ANKRD24: variants seen among roughly 807,000 people sequenced by gnomAD.
ANKRD24 encodes ankyrin repeat domain-containing protein 24.
A neutral mutation model predicts 127.8 loss-of-function variants in ANKRD24; 109 were observed. The observed-to-expected ratio is 0.85, with a 90% confidence interval of 0.73 to 1.00. The LOEUF is 1.00. ANKRD24 is among the 50% of genes least tolerant of loss of function. The pLI, the probability that ANKRD24 is intolerant of heterozygous loss-of-function variation, is 0.00. For synonymous variants in ANKRD24, 743 were observed against 671.1 expected (o/e 1.11, Z -1.66); for missense variants, 1,648 against 1,570.2 (o/e 1.05, Z -0.84).
At position 4,217,478 on chromosome 19, in the gene ANKRD24, G is replaced by GCAGCGGGGC. The variant is rs1015785205; in HGVS notation, c.2327_2335dup (p.Ala776_Gly778dup). On this transcript the variant is annotated inframe_insertion, in exon 18 of 22. Coordinates refer to ENST00000318934, the MANE Select transcript of ANKRD24 (RefSeq NM_001393985.1). ...CGAGAGCGTGTCCGCGAGGCCGAGG[G>GCAGCGGGGC]CAGCGGGGCCAGCGGGGGCGGTGGC... The GCAGCGGGGC allele has an allele frequency of 4.9e-6, 7 of 1,440,096 alleles. No homozygotes were observed. The highest frequency in any genetic ancestry group is 6.0e-5 in the Admixed American group (2 of 33,212). The allele number at this position is 1,440,096 out of a possible 1,614,324, so 89.2% of individuals were successfully genotyped here. A position where few individuals can be genotyped will look rare whatever the true frequency, so the allele number is the denominator to read the frequency against.
chr19:4,207,762 T>G lies in ANKRD24; in HGVS notation c.645-19T>G. ...TTGGGGGATGTTCTCATCTCCTCAG[T>G]AGCCCCCTCCCCTGGTAGGACGGCC... On this transcript the variant is annotated intron_variant, in intron 9 of 21. Transcript: ENST00000318934. 1.3e-6 allele frequency: 2 copies of G among 1,565,070 alleles called. No homozygotes were observed. The highest frequency in any genetic ancestry group is 2.3e-5 in the South Asian group (2 of 85,986).
intron 2 of ANKRD24, among the ~76,000 whole-genome samples, chr19:4,189,346 A>G (rs555967080): frequency 1.4e-5 from 2 of 145,300 alleles, no homozygotes; most frequent in South Asian, 4.3e-4. Flanking sequence ...CCTGGATTCA[A>G]GCTATTCTTT....
In ANKRD24 at chr19:4,218,097, C is replaced by CCAGCTGGAGGGG. The variant is rs749195147; in HGVS notation, c.2948_2959dup (p.Gly983_Glu986dup). On this transcript the variant is annotated inframe_insertion, in exon 18 of 22. Transcript: ENST00000318934. ...TGGGCACCCTGCAGGCCAACGTGGCCCAGCTGGAGGGGCAGCTGGAGGAGC... is the reference window on the plus strand; with the variant it reads ...TGGGCACCCTGCAGGCCAACGTGGCCCAGCTGGAGGGGCAGCTGGAGGGGCAGCTGGAGGAGC... 8 of 1,544,964 alleles carry CCAGCTGGAGGGG rather than the reference C, an allele frequency of 5.2e-6. No individual in the cohort carries two copies. Among genetic ancestry groups the CCAGCTGGAGGGG allele is most frequent in the Middle Eastern group, 1.8e-4 (1 of 5,492 alleles).
intron 5 of ANKRD24, 139 bp downstream of exon 5, chr19:4,200,310 C>G (rs1187019633): frequency 1.1e-6 from 1 of 937,158 alleles, no homozygotes; most frequent in African/African-American, 1.7e-5. Context: ...TCCTCCCCTG[C>G]CCCCAGGGAG....
rs764342541 is a variant in ANKRD24, at chr19:4,218,027, G to T, written c.2867G>T (p.Arg956Leu). 3.2e-6 allele frequency: 5 copies of T among 1,557,188 alleles called. No homozygotes were observed. Among genetic ancestry groups the T allele is most frequent in the African/African-American group, 1.4e-5 (1 of 71,930 alleles). ...EAARLRAELE[R>L]ERVCSVALSE... ...GCCCGGCTGCGCGCGGAGCTGGAGC[G>T]GGAGCGTGTGTGCAGCGTGGCGCTC... The change falls in exon 18 of 22, where the codon CGG (arginine) becomes CTG (leucine). Residue 956 changes from arginine (R) to leucine (L), a missense_variant. Arg to Leu is a moderately radical substitution (Grantham distance 102). Transcript: ENST00000318934.
intron 6 of ANKRD24, 35 bp downstream of exon 6, chr19:4,202,125 C>T: frequency 6.3e-7 from 1 of 1,586,118 alleles, no homozygotes; most frequent in Non-Finnish European, 8.7e-7. Flanking sequence ...ACTCCCTTGG[C>T]CCCTACTACT....
chr19:4,208,095 C>A, intron 10 of ANKRD24, 127 bp downstream of exon 10: 1 of 1,001,894 alleles, frequency 1.0e-6, no homozygotes, highest in Non-Finnish European at 1.4e-6. Flanking sequence ...TAGAGCTTAC[C>A]CAATTCTACT....
chr19:4,210,381 G>A lies in ANKRD24; in HGVS notation c.1059+9G>A. 6.6e-7 allele frequency: 1 copy of A among 1,522,758 alleles called. No homozygotes were observed. The highest frequency in any genetic ancestry group is 8.8e-7 in the Non-Finnish European group (1 of 1,137,112). 94.3% of individuals were successfully genotyped at this position (1,522,758 alleles called of 1,614,324 possible). A position where few individuals can be genotyped will look rare whatever the true frequency, so the allele number is the denominator to read the frequency against. On this transcript the variant is annotated intron_variant, in intron 13 of 21. Coordinates refer to ENST00000318934, the MANE Select transcript of ANKRD24 (RefSeq NM_001393985.1). ...AACGGAGGCAGCAGGAGGTTAGGAG[G>A]CCTCGGAGATTTGGGCGTGGGCCAG...
At chr19:4,185,611 A>C (rs1182212213) in intron 1 of ANKRD24, among the ~76,000 whole-genome samples, 1 of 152,212 alleles carries the variant, frequency 6.6e-6, no homozygotes, top group African/African-American at 2.4e-5. Flanking sequence ...GGTGGACAGA[A>C]GTGCACGTGT....
chr19:4,204,519 G>A (rs553825423), intron 7 of ANKRD24, among the ~76,000 whole-genome samples: 1 of 152,146 alleles, frequency 6.6e-6, no homozygotes, highest in African/African-American at 2.4e-5. Context: ...GGAGCCCCTA[G>A]GAGATACCAG....
At chr19:4,220,082 G>A (rs1408644005) in intron 19 of ANKRD24, among the ~76,000 whole-genome samples, 1 of 152,052 alleles carries the variant, frequency 6.6e-6, no homozygotes, top group African/African-American at 2.4e-5. Context: ...AGCAATTCTC[G>A]TGCCTCAGCC....
At chr19:4,183,742 C>T (rs140032024) in intron 1 of ANKRD24, among the ~76,000 whole-genome samples, 5 of 152,058 alleles carry the variant, frequency 3.3e-5, no homozygotes, top group East Asian at 3.9e-4. Context: ...GGAGAAACCC[C>T]GTCTCTACTA....
intron 20 of ANKRD24, 114 bp downstream of exon 20, chr19:4,222,909 TG>T: frequency 7.9e-7 from 1 of 1,260,656 alleles, no homozygotes; most frequent in Non-Finnish European, 1.0e-6. Context: ...GGTAGGCAGG[TG>T]GGGTCCACAT....
At chr19:4,207,641 T>A in intron 9 of ANKRD24, 34 bp downstream of exon 9, 1 of 1,607,672 alleles carries the variant, frequency 6.2e-7, no homozygotes, top group Non-Finnish European at 8.5e-7. Context: ...GTCCACCCTA[T>A]GCTGTGTGAC....
At position 4,202,853 on chromosome 19, in the gene ANKRD24, C is replaced by T; in HGVS notation, c.409-16C>T. The stretch of plus-strand genomic sequence containing the variant: ...AGAAGGATGGCTCCGCCTCAAAGGA[C>T]TCGCCCCATCCCCAGGCTTCCTGCG... On this transcript the variant is annotated splice_polypyrimidine_tract_variant and intron_variant, in intron 6 of 21. Coordinates refer to ENST00000318934, the MANE Select transcript of ANKRD24 (RefSeq NM_001393985.1). 1 of 1,581,126 alleles carries T rather than the reference C, an allele frequency of 6.3e-7. No individual in the cohort carries two copies.
intron 1 of ANKRD24, 138 bp from the exon 2 acceptor site, chr19:4,186,252 G>A: frequency 6.9e-7 from 1 of 1,443,702 alleles, no homozygotes; most frequent in Non-Finnish European, 9.1e-7. Context: ...AGGAGATAGA[G>A]CAGGTCTGTG....
At position 4,217,624 on chromosome 19, in the gene ANKRD24, C is replaced by A. The variant is rs1383713036; in HGVS notation, c.2464C>A (p.Arg822=). 2 of 1,285,992 alleles carry A rather than the reference C, an allele frequency of 1.6e-6. No homozygotes were observed. The highest frequency in any genetic ancestry group is 4.8e-5 in the South Asian group (2 of 41,864). 79.7% of individuals were successfully genotyped at this position (1,285,992 alleles called of 1,614,324 possible). A position where few individuals can be genotyped will look rare whatever the true frequency, so the allele number is the denominator to read the frequency against. ...CTGCCTGGATGAGGCTCGGGCCAGCCGGCTGCTGGCGGAGGAGGAGGCGCG... is the reference window on the plus strand; with the variant it reads ...CTGCCTGGATGAGGCTCGGGCCAGCAGGCTGCTGGCGGAGGAGGAGGCGCG... ...SACLDEARAS[R]LLAEEEARGL... Residue 822 remains arginine (R), a synonymous_variant, in exon 18 of 22, where the codon CGG becomes AGG. Coordinates refer to ENST00000318934, the MANE Select transcript of ANKRD24 (RefSeq NM_001393985.1).
rs1356517453 is a variant in ANKRD24, at chr19:4,221,193, T to TC, written c.3171+1435_3171+1436insC. The stretch of plus-strand genomic sequence containing the variant: ...CCCGGGTTCAAGAGATTCTCCTGCC[T>TC]AGCCTCCCGAGTAGCTGGGACTGCA... On this transcript the variant is annotated intron_variant, in intron 19 of 21. Coordinates refer to ENST00000318934, the MANE Select transcript of ANKRD24 (RefSeq NM_001393985.1). Among the ~76,000 whole-genome samples the TC allele has an allele frequency of 2.0e-5, 3 of 151,476 alleles. No individual in the cohort carries two copies. In the East Asian group the frequency reaches 5.8e-4, roughly 30 times the overall value.
intron 2 of ANKRD24, among the ~76,000 whole-genome samples, chr19:4,191,948 A>ATTT (rs11380933): frequency 1.6e-4 from 23 of 145,242 alleles, no homozygotes; most frequent in Middle Eastern, 3.6e-3. Flanking sequence ...CGTCTAGCTA[A>ATTT]TTTTTTTTTT....
Sources: gnomAD v4.1 joint callset for allele counts (sites outside exome capture counted in the v4.1 genomes callset) on GRCh38, gnomAD v4.1.1 for gene constraint, MANE v1.5 for transcripts, NCBI Gene and HGNC (gene_info 2026-07-23, HGNC 2026-07-21) for gene names.